The following SMAP1 variants were observed in gnomAD, a reference collection of about 807,000 sequenced individuals.
The protein encoded by SMAP1 is stromal membrane-associated protein 1.
A neutral mutation model predicts 58.5 loss-of-function variants in SMAP1; 24 were observed. The ratio of observed to expected loss-of-function variants is 0.41; its 90% CI spans 0.30 to 0.58. SMAP1 has a LOEUF of 0.58. Ranked by LOEUF, SMAP1 falls within the 20% of genes least tolerant of loss-of-function variation. SMAP1 has a pLI of 0.29. For missense variants in SMAP1, 563 were observed against 566.3 expected (o/e 0.99, Z 0.06); for synonymous variants, 216 against 196.6 (o/e 1.10, Z -0.82).
chr6:70,760,822 C>T (rs1172873450), intron 3 of SMAP1, among the ~76,000 whole-genome samples: 1 of 152,056 alleles, frequency 6.6e-6, no homozygotes, highest in Non-Finnish European at 1.5e-5. Flanking sequence ...TTGCAATTTA[C>T]AAAAGTTATG....
intron 2 of SMAP1, among the ~76,000 whole-genome samples, chr6:70,746,946 A>G (rs980380456): frequency 5.9e-5 from 9 of 152,224 alleles, no homozygotes; most frequent in African/African-American, 2.2e-4. Context: ...AAGTCCCCCT[A>G]TAGAGTACAG....
At chr6:70,852,439 CTG>C (rs1771220935) in intron 7 of SMAP1, 99 bp from the exon 8 acceptor site, 19 of 1,184,704 alleles carry the variant, frequency 1.6e-5, no homozygotes, top group Non-Finnish European at 2.1e-5. Flanking sequence ...AACTTTTGAA[CTG>C]TTCTTTTTTT....
chr6:70,804,711 G>T (rs1219940427), intron 6 of SMAP1, among the ~76,000 whole-genome samples: 1 of 152,076 alleles, frequency 6.6e-6, no homozygotes, highest in Non-Finnish European at 1.5e-5. Context: ...AAATCTCTCA[G>T]CATTTGCTTG....
At chr6:70,681,028 G>A (rs887656419) in intron 1 of SMAP1, among the ~76,000 whole-genome samples, 7 of 151,506 alleles carry the variant, frequency 4.6e-5, no homozygotes, top group African/African-American at 1.2e-4. Context: ...ATAATTACAC[G>A]GATTTCTATT....
intron 6 of SMAP1, among the ~76,000 whole-genome samples, chr6:70,812,865 C>T (rs1769449769): frequency 6.6e-6 from 1 of 152,102 alleles, no homozygotes; most frequent in South Asian, 2.1e-4. Flanking sequence ...TAATTCTATA[C>T]TCGTGCCCCC....
At chr6:70,741,300 T>TA (rs1354413499) in intron 2 of SMAP1, among the ~76,000 whole-genome samples, 2 of 152,330 alleles carry the variant, frequency 1.3e-5, no homozygotes, top group East Asian at 3.9e-4. Flanking sequence ...ACTTCCTAGA[T>TA]ACAGTGGGAA....
intron 1 of SMAP1, among the ~76,000 whole-genome samples, chr6:70,692,196 G>T (rs1767198663): frequency 6.6e-6 from 1 of 152,132 alleles, no homozygotes; most frequent in Non-Finnish European, 1.5e-5. Context: ...GTGATGTTGA[G>T]CACCTTTTCA....
At chr6:70,800,126 G>A (rs990016756) in intron 6 of SMAP1, among the ~76,000 whole-genome samples, 3 of 151,848 alleles carry the variant, frequency 2.0e-5, no homozygotes, top group Non-Finnish European at 4.4e-5. Context: ...TTTAAAAAGT[G>A]AAACTTTAAA....
At chr6:70,860,060 A>C (rs1771641713) in intron 10 of SMAP1, 140 bp from the exon 11 acceptor site, 1 of 912,930 alleles carries the variant, frequency 1.1e-6, no homozygotes, top group Non-Finnish European at 1.6e-6. Context: ...TTTAAGAAAT[A>C]TTTGTATGGT....
At chr6:70,841,001 G>A (rs1328490973) in intron 7 of SMAP1, among the ~76,000 whole-genome samples, 3 of 152,206 alleles carry the variant, frequency 2.0e-5, no homozygotes, top group Non-Finnish European at 4.4e-5. Context: ...TACTGTTAGG[G>A]TAGTGTCTAT....
Position 70,861,606 on chromosome 6 carries a change from C to T in SMAP1, c.*1272C>T. 1 of 1,507,792 alleles carries T rather than the reference C, an allele frequency of 6.6e-7. No homozygotes were observed. Among genetic ancestry groups the T allele is most frequent in the Non-Finnish European group, 9.2e-7 (1 of 1,091,324 alleles). The allele number at this position is 1,507,792 out of a possible 1,614,324, so 93.4% of individuals were successfully genotyped here. ...AATGCTCTGTAGCCTAAACTCCAAA[C>T]ATCCTCTTCCATATGGATCCACTGG... On this transcript the variant is annotated 3_prime_UTR_variant, in exon 11 of 11. Transcript: ENST00000370455.
chr6:70,711,761 C>A (rs1390777947), intron 1 of SMAP1, among the ~76,000 whole-genome samples: 1 of 152,124 alleles, frequency 6.6e-6, no homozygotes, highest in African/African-American at 2.4e-5. Context: ...CTCCTGACCT[C>A]AGGTGATCCA....
At chr6:70,814,602 G>A (rs1769536300) in intron 6 of SMAP1, among the ~76,000 whole-genome samples, 1 of 152,040 alleles carries the variant, frequency 6.6e-6, no homozygotes, top group Admixed American at 6.6e-5. Context: ...TCTGAATTTA[G>A]TCTCCTGAGT....
At chr6:70,796,663 A>C (rs567579036) in intron 5 of SMAP1, among the ~76,000 whole-genome samples, 17 of 152,258 alleles carry the variant, frequency 1.1e-4, no homozygotes, top group Non-Finnish European at 1.0e-4. Context: ...GTAGATATGA[A>C]GATCTTTTTT....
intron 1 of SMAP1, among the ~76,000 whole-genome samples, chr6:70,693,590 C>T (rs1285102552): frequency 1.3e-5 from 2 of 152,128 alleles, no homozygotes; most frequent in African/African-American, 4.8e-5. Context: ...GCATGAGCCA[C>T]CGTGCCTGGC....
chr6:70,726,614 C>G (rs1332238530), intron 1 of SMAP1, among the ~76,000 whole-genome samples: 1 of 152,082 alleles, frequency 6.6e-6, no homozygotes, highest in Middle Eastern at 3.2e-3. Context: ...TAATCAGAAA[C>G]TGAAGAGAAA....
chr6:70,673,785 G>T (rs917511134), intron 1 of SMAP1, among the ~76,000 whole-genome samples: 8 of 152,194 alleles, frequency 5.3e-5, no homozygotes, highest in Non-Finnish European at 1.0e-4. Flanking sequence ...ATTGGGCAGA[G>T]CCCTGGTATC....
chr6:70,785,324 A>G (rs1375054934), intron 4 of SMAP1, among the ~76,000 whole-genome samples: 1 of 152,224 alleles, frequency 6.6e-6, no homozygotes, highest in African/African-American at 2.4e-5. Context: ...GGAAATTTAT[A>G]GCACTAAATG....
intron 3 of SMAP1, among the ~76,000 whole-genome samples, chr6:70,763,603 A>G (rs74943957): frequency 0.011 from 1,747 of 152,314 alleles, 31 homozygotes; most frequent in African/African-American, 0.039. Context: ...TGGAAAGAAA[A>G]ATAGGCTGAA....
Sources: gnomAD v4.1 joint callset for allele counts (sites outside exome capture counted in the v4.1 genomes callset) on GRCh38, gnomAD v4.1.1 for gene constraint, MANE v1.5 for transcripts, NCBI Gene and HGNC (gene_info 2026-07-23, HGNC 2026-07-21) for gene names.